SSUH2: variants seen among roughly 807,000 people sequenced by gnomAD.
SSUH2 encodes the protein protein SSUH2 homolog.
In SSUH2, 47 loss-of-function variants were observed where a neutral mutation model predicts 55.3. The observed-to-expected ratio is 0.85, with a 90% CI of 0.67 to 1.08. SSUH2 has a LOEUF of 1.08. Among genes scored for constraint, SSUH2 ranks in the 50% least tolerant of loss-of-function variants. SSUH2 has a pLI of 0.00. For missense variants in SSUH2, 535 were observed against 490.7 expected, an observed-to-expected ratio of 1.09 and a Z score of -0.85; for synonymous variants, 212 against 191.5, an observed-to-expected ratio of 1.11 and a Z score of -0.89.
chr3:8,656,292 A>G (rs778281275), intron 7 of SSUH2, among the ~76,000 whole-genome samples: 1 of 152,244 alleles, frequency 6.6e-6, no homozygotes, highest in Non-Finnish European at 1.5e-5. Flanking sequence ...CTGGCAAGAA[A>G]AGGAACAAAG....
intron 7 of SSUH2, among the ~76,000 whole-genome samples, chr3:8,653,920 G>A (rs767156562): frequency 1.4e-4 from 22 of 152,132 alleles, no homozygotes; most frequent in Non-Finnish European, 2.5e-4. Flanking sequence ...AGTGGGAACC[G>A]TTCCCCTGCC....
At chr3:8,666,232 A>C (rs1703979921) in intron 5 of SSUH2, among the ~76,000 whole-genome samples, 1 of 152,230 alleles carries the variant, frequency 6.6e-6, no homozygotes, top group Non-Finnish European at 1.5e-5. Context: ...AAATCTAAAC[A>C]CTAAAAAGAA....
upstream of SSUH2, among the ~76,000 whole-genome samples, chr3:8,645,953 C>T (rs772776980): frequency 2.0e-5 from 3 of 152,166 alleles, no homozygotes; most frequent in Non-Finnish European, 4.4e-5. Flanking sequence ...CCTCACAAAT[C>T]GATTTTTATG....
chr3:8,643,139 TAG>T (rs1403147711), intron 1 of SSUH2, among the ~76,000 whole-genome samples: 3 of 152,228 alleles, frequency 2.0e-5, no homozygotes, highest in Non-Finnish European at 2.9e-5. Context: ...GATCATTTCG[TAG>T]AGTCAATATT....
At chr3:8,672,468 TATC>T (rs1704702332) in intron 3 of SSUH2, among the ~76,000 whole-genome samples, 1 of 152,072 alleles carries the variant, frequency 6.6e-6, no homozygotes, top group Non-Finnish European at 1.5e-5. Flanking sequence ...TTGGGAGTAA[TATC>T]AACCTCTCCG....
At position 8,678,911 on chromosome 3, in the gene SSUH2, C is replaced by G. The variant is rs1472748536; in HGVS notation, c.-901+794G>C. Among the ~76,000 whole-genome samples the G allele has an allele frequency of 3.8e-3, 365 of 96,846 alleles. 36 individuals are homozygous for G. Among genetic ancestry groups the G allele is most frequent in the Middle Eastern group, 0.011 (1 of 88 alleles). The allele number at this position is 96,846 out of a possible 152,430, so 63.5% of individuals were successfully genotyped here. On this transcript the variant is annotated intron_variant, in intron 2 of 18. Transcript: ENST00000317371. ...TGCAAGGGAGGGAGGCACCCCCCGC[C>G]AGGCGGGGACTGAGAGCCAGCCACT...
Position 8,678,495 on chromosome 3 carries a change from G to A in SSUH2, c.-900-1142C>T, listed in dbSNP as rs1280622926. On this transcript the variant is annotated intron_variant, in intron 2 of 18. Coordinates refer to the SSUH2 transcript ENST00000317371. ...CTTAGGACCCCCATTGCAAGGGGGT[G>A]AGGCACCCCCCGCGAGGCGGGGACT... Among the ~76,000 whole-genome samples, 3 of 137,464 alleles carry A rather than the reference G, an allele frequency of 2.2e-5. 1 individual carries two copies. The highest frequency in any genetic ancestry group is 4.9e-5 in the Non-Finnish European group (3 of 60,914). The allele number at this position is 137,464 out of a possible 152,430, so 90.2% of individuals were successfully genotyped here. A position where few individuals can be genotyped will look rare whatever the true frequency, so the allele number is the denominator to read the frequency against.
At chr3:8,678,894 A>G (rs4539932) in intron 2 of SSUH2, among the ~76,000 whole-genome samples, 88,439 of 101,026 alleles carry the variant, frequency 0.88, 41,123 homozygotes, top group East Asian at 1. Context: ...ATTGCAAGGG[A>G]GGGAGGCACC....
chr3:8,647,353 T>C (rs1297555150), upstream of SSUH2, among the ~76,000 whole-genome samples: 1 of 152,226 alleles, frequency 6.6e-6, no homozygotes, highest in African/African-American at 2.4e-5. Flanking sequence ...AAGAGTTTCT[T>C]GCCTTTGGAC....
chr3:8,670,939 C>T (rs955428863), intron 5 of SSUH2: 5 of 359,544 alleles, frequency 1.4e-5, no homozygotes, highest in African/African-American at 2.1e-5. Flanking sequence ...GTGTACACCC[C>T]GTGTGACATT....
intron 3 of SSUH2, among the ~76,000 whole-genome samples, chr3:8,672,958 G>A (rs11718717): frequency 0.031 from 4,652 of 152,106 alleles, 158 homozygotes; most frequent in East Asian, 0.17. Context: ...CTGGACATTA[G>A]GAACAATATC....
chr3:8,662,557 T>C (rs1201732389), intron 6 of SSUH2, among the ~76,000 whole-genome samples: 1 of 152,124 alleles, frequency 6.6e-6, no homozygotes, highest in Non-Finnish European at 1.5e-5. Flanking sequence ...GTGCTATGTG[T>C]GTTAGCAAAA....
At chr3:8,673,631 CA>C (rs1470034021) in intron 3 of SSUH2, among the ~76,000 whole-genome samples, 1 of 152,172 alleles carries the variant, frequency 6.6e-6, no homozygotes, top group Non-Finnish European at 1.5e-5. Flanking sequence ...TCCTCTTTAA[CA>C]GAGATGAAAG....
chr3:8,668,996 G>A (rs933450057), intron 5 of SSUH2, among the ~76,000 whole-genome samples: 1 of 151,918 alleles, frequency 6.6e-6, no homozygotes, highest in African/African-American at 2.4e-5. Flanking sequence ...AGGAGGAAGA[G>A]AGGAAAGAAG....
intron 1 of SSUH2, among the ~76,000 whole-genome samples, chr3:8,644,458 G>T (rs1324069792): frequency 6.6e-6 from 1 of 152,134 alleles, no homozygotes; most frequent in African/African-American, 2.4e-5. Flanking sequence ...TTGTCCAAAG[G>T]CTCATAACGG....
Position 8,635,808 on chromosome 3 carries a change from T to C in SSUH2, c.78A>G (p.Thr26=). The C allele has an allele frequency of 1.3e-6, 2 of 1,536,092 alleles. No homozygotes were observed. The highest frequency in any genetic ancestry group is 1.7e-6 in the Non-Finnish European group (2 of 1,146,878). Residue 26 remains threonine (T), a synonymous_variant, in exon 2 of 12, where the codon ACA becomes ACG. Transcript: ENST00000544814. ...AGCTGGGCAGTCTCTCCAGGAGCTC[T>C]GTGGGGGGCGCCAGAGGACTCTCGG... ...FEAESPLAPP[T]ELLERLPSYD...
intron 3 of SSUH2, among the ~76,000 whole-genome samples, chr3:8,675,270 T>A (rs1322944917): frequency 2.6e-5 from 4 of 152,182 alleles, no homozygotes; most frequent in Non-Finnish European, 4.4e-5. Flanking sequence ...AGTGGGAAGA[T>A]CCGGAGTCAG....
intron 5 of SSUH2, 73 bp downstream of exon 5, chr3:8,631,976 A>G: frequency 8.1e-7 from 1 of 1,241,726 alleles, no homozygotes; most frequent in Non-Finnish European, 1.2e-6. Context: ...TGCCTGAGCC[A>G]AGTCCTGATA....
At chr3:8,662,687 G>A (rs1283609030) in intron 6 of SSUH2, among the ~76,000 whole-genome samples, 4 of 152,234 alleles carry the variant, frequency 2.6e-5, no homozygotes, top group Non-Finnish European at 5.9e-5. Context: ...AGTTACAGCT[G>A]TGAAACATCA....
Sources: allele counts gnomAD v4.1 joint callset (sites outside exome capture counted in the v4.1 genomes callset), GRCh38; gene constraint gnomAD v4.1.1; transcripts MANE v1.5; gene names NCBI Gene and HGNC (gene_info 2026-07-23, HGNC 2026-07-21).